RYK: variants seen among roughly 807,000 people sequenced by gnomAD.
The protein encoded by RYK is inactive tyrosine-protein kinase RYK.
Under a neutral mutation model 70.2 loss-of-function variants are expected in RYK, and 21 were observed. The observed-to-expected ratio is 0.30, with a 90% CI of 0.21 to 0.43. The LOEUF (loss-of-function observed/expected upper bound fraction) is 0.43. RYK is among the 20% of genes least tolerant of loss of function. The probability of loss-of-function intolerance (pLI) is 1.00; values close to 1 mark genes in which losing one functional copy is unlikely to be tolerated. For missense variants in RYK, 604 were observed against 753.3 expected, an observed-to-expected ratio of 0.80 and a Z score of 2.32; for synonymous variants, 267 against 278.0, an observed-to-expected ratio of 0.96 and a Z score of 0.39.
chr3:134,161,569 A>G (rs1044053916), intron 13 of RYK, among the ~76,000 whole-genome samples: 2 of 152,234 alleles, frequency 1.3e-5, no homozygotes, highest in African/African-American at 2.4e-5. Flanking sequence ...AAAATTTAAA[A>G]TATCAGAAAT....
chr3:134,209,733 G>A lies in RYK; in HGVS notation c.551C>T (p.Thr184Ile). 6.7e-7 allele frequency: 1 copy of A among 1,494,808 alleles called. No homozygotes were observed. The highest frequency in any genetic ancestry group is 8.9e-7 in the Non-Finnish European group (1 of 1,120,382). 92.6% of individuals were successfully genotyped at this position (1,494,808 alleles called of 1,614,324 possible). A position where few individuals can be genotyped will look rare whatever the true frequency, so the allele number is the denominator to read the frequency against. Residue 184 changes from threonine (T) to isoleucine (I), a missense_variant, in exon 4 of 15, where the codon ACC becomes ATC. This residue lies in a region of RYK where 466 missense variants were observed against 535.9 expected (regional missense o/e 0.87). Transcript: ENST00000623711. ...TTTCCTTCGTTTAAAATTTAAGACG[G>A]TAAAATTTTTTGAAGAATTTACTGT... is the stretch of plus-strand genomic sequence containing the variant. ...NLTVNSSKNF[T>I]VLNFKRRKMC... is the part of the protein sequence containing the mutation.
intron 2 of RYK, among the ~76,000 whole-genome samples, chr3:134,221,279 A>C (rs2014729626): frequency 7.6e-6 from 1 of 131,972 alleles, no homozygotes; most frequent in Non-Finnish European, 1.5e-5. Context: ...ATCTCGGCTC[A>C]CTGCAACCTC....
At chr3:134,241,102 G>C (rs933659960) in intron 1 of RYK, among the ~76,000 whole-genome samples, 35 of 148,764 alleles carry the variant, frequency 2.4e-4, no homozygotes, top group Non-Finnish European at 3.8e-4. Context: ...AGGGTTGGTG[G>C]GGGAGGGAAA....
At chr3:134,246,407 AAG>A (rs964871785) in intron 1 of RYK, among the ~76,000 whole-genome samples, 1 of 151,696 alleles carries the variant, frequency 6.6e-6, no homozygotes, top group Non-Finnish European at 1.5e-5. Context: ...GAAAACTAAA[AAG>A]AGTCTCTAGA....
At chr3:134,163,290 G>A (rs2012541525) in intron 13 of RYK, among the ~76,000 whole-genome samples, 2 of 152,178 alleles carry the variant, frequency 1.3e-5, no homozygotes, top group South Asian at 4.1e-4. Flanking sequence ...ATGATTTGTG[G>A]AAAACTTGCT....
At chr3:134,202,602 T>C in intron 6 of RYK, 128 bp downstream of exon 6, 1 of 671,458 alleles carries the variant, frequency 1.5e-6, no homozygotes, top group East Asian at 3.2e-5. Context: ...CATCTTATTT[T>C]TCCTTTGGCT....
At chr3:134,210,963 C>T (rs2014375474) in intron 3 of RYK, among the ~76,000 whole-genome samples, 1 of 152,128 alleles carries the variant, frequency 6.6e-6, no homozygotes, top group South Asian at 2.1e-4. Context: ...AAAAGATGAT[C>T]CCAAATACTG....
intron 6 of RYK, among the ~76,000 whole-genome samples, chr3:134,200,160 C>T (rs901076238): frequency 4.0e-4 from 61 of 152,014 alleles, no homozygotes; most frequent in East Asian, 1.9e-4. Flanking sequence ...TCCCCTTCCA[C>T]GCTGTGGAAG....
At chr3:134,183,163 ATAAGGT>A in intron 9 of RYK, 92 bp from the exon 10 acceptor site, 1 of 674,006 alleles carries the variant, frequency 1.5e-6, no homozygotes. Context: ...ATCTTGAACT[ATAAGGT>A]ACATAGGTTT....
rs753135273 is a variant in RYK, at chr3:134,171,862, G to GA, written c.1575+3746dup. Among the ~76,000 whole-genome samples the GA allele has an allele frequency of 7.4e-3, 1,014 of 137,018 alleles. 10 individuals are homozygous for GA. The highest frequency in any genetic ancestry group is 0.023 in the African/African-American group (871 of 37,272). The allele number at this position is 137,018 out of a possible 152,430, so 89.9% of individuals were successfully genotyped here. ...CACCTGGGCAACAGAAGTAGCTAAG[G>GA]AAAAAAAAAAAAAGTAATACATATT... is the stretch of plus-strand genomic sequence containing the variant. On this transcript the variant is annotated intron_variant, in intron 13 of 14. Transcript: ENST00000623711.
intron 1 of RYK, among the ~76,000 whole-genome samples, chr3:134,223,066 G>A (rs930025656): frequency 2.0e-5 from 3 of 152,122 alleles, no homozygotes; most frequent in Non-Finnish European, 4.4e-5. Context: ...GTACACACTT[G>A]CACCAGGTGT....
chr3:134,237,840 T>C (rs1486007428), intron 1 of RYK, among the ~76,000 whole-genome samples: 5 of 152,230 alleles, frequency 3.3e-5, no homozygotes, highest in African/African-American at 9.6e-5. Flanking sequence ...ACAGTTTCCA[T>C]ATGCCATTTA....
chr3:134,197,548 T>C (rs1436472869), intron 6 of RYK, among the ~76,000 whole-genome samples: 1 of 152,230 alleles, frequency 6.6e-6, no homozygotes, highest in Non-Finnish European at 1.5e-5. Flanking sequence ...ATTATGTGAA[T>C]ATTATGCATC....
chr3:134,183,293 TAAAC>T (rs2013358559), intron 9 of RYK: 6 of 321,984 alleles, frequency 1.9e-5, no homozygotes, highest in Admixed American at 4.7e-5. Flanking sequence ...TAAGTTTCCA[TAAAC>T]AAAGCAGAAA....
At chr3:134,244,505 A>G (rs1226373835) in intron 1 of RYK, among the ~76,000 whole-genome samples, 1 of 152,186 alleles carries the variant, frequency 6.6e-6, no homozygotes, top group African/African-American at 2.4e-5. Context: ...CTCACTGTCC[A>G]AAAGGCCCTG....
chr3:134,244,162 T>TCAC (rs1460064159), intron 1 of RYK, among the ~76,000 whole-genome samples: 1 of 152,084 alleles, frequency 6.6e-6, no homozygotes, highest in East Asian at 1.9e-4. Context: ...CTGACCCCTA[T>TCAC]CACCACCACC....
At chr3:134,221,234 T>A (rs2014727861) in intron 2 of RYK, among the ~76,000 whole-genome samples, 1 of 127,684 alleles carries the variant, frequency 7.8e-6, no homozygotes, top group African/African-American at 3.0e-5. Flanking sequence ...AGACAGAGTC[T>A]CACTCTGTCT....
In RYK at chr3:134,157,858, T is replaced by A; in HGVS notation, c.*295A>T. Reference sequence around the variant, plus strand: ...TGTCTAAACAATTTTAAAAACTGTTTATTTATTTTGTAAGAATGTACCCCT... The same window carrying A: ...TGTCTAAACAATTTTAAAAACTGTTAATTTATTTTGTAAGAATGTACCCCT... On this transcript the variant is annotated 3_prime_UTR_variant, in exon 15 of 15. Transcript: ENST00000623711. The A allele has an allele frequency of 4.2e-6, 1 of 237,802 alleles. No individual in the cohort carries two copies. 14.7% of individuals were successfully genotyped at this position (237,802 alleles called of 1,614,324 possible). A position where few individuals can be genotyped will look rare whatever the true frequency, so the allele number is the denominator to read the frequency against.
At chr3:134,184,194 A>T (rs1195595875) in intron 9 of RYK, among the ~76,000 whole-genome samples, 1 of 152,198 alleles carries the variant, frequency 6.6e-6, no homozygotes, top group Non-Finnish European at 1.5e-5. Context: ...TGATAACCAA[A>T]ATTAGAATTA....
Sources: gnomAD v4.1 joint callset for allele counts (sites outside exome capture counted in the v4.1 genomes callset) on GRCh38, gnomAD v4.1.1 for gene constraint, gnomAD v4.1.1 regional missense constraint, MANE v1.5 for transcripts, NCBI Gene and HGNC (gene_info 2026-07-23, HGNC 2026-07-21) for gene names.